BTBD16: variants seen among roughly 807,000 people sequenced by gnomAD.
BTBD16 encodes BTB domain containing 16.
A neutral mutation model predicts 67.4 loss-of-function variants in BTBD16; 66 were observed. The observed-to-expected ratio is 0.98, with a 90% CI of 0.80 to 1.20. The LOEUF (loss-of-function observed/expected upper bound fraction) is 1.20, where lower values mean the gene tolerates loss of function less well. BTBD16 is among the 50% of genes most tolerant of loss of function. BTBD16 has a pLI of 0.00. For synonymous variants in BTBD16, 242 were observed against 236.4 expected, an observed-to-expected ratio of 1.02 and a Z score of -0.22; for missense variants, 634 against 616.0, an observed-to-expected ratio of 1.03 and a Z score of -0.31.
At chr10:122,283,742 C>T in intron 3 of BTBD16, 109 bp from the exon 4 acceptor site, 1 of 829,778 alleles carries the variant, frequency 1.2e-6, no homozygotes, top group Non-Finnish European at 2.0e-6. Flanking sequence ...ATATGATTAG[C>T]TTGATCAATG....
chr10:122,284,226 A>C (rs1474131261), intron 4 of BTBD16, among the ~76,000 whole-genome samples: 1 of 152,212 alleles, frequency 6.6e-6, no homozygotes, highest in Non-Finnish European at 1.5e-5. Context: ...AGGCGAGTGA[A>C]TCACTTGAGG....
intron 13 of BTBD16, 26 bp from the exon 14 acceptor site, chr10:122,334,855 T>C: frequency 7.1e-7 from 1 of 1,405,898 alleles, no homozygotes; most frequent in Non-Finnish European, 1.0e-6. Context: ...CCCCCTTCAC[T>C]TTGTTGTTTC....
rs752749300 is a variant in BTBD16, at chr10:122,338,051, A to G, written c.1487A>G (p.Tyr496Cys). ...ATCCAAACTGTGGGCATCCCAATCT[A>G]TGTAAGTTTTGCATTCATCTTCCCA... ...LKIQTVGIPIYVSFAFIFPAS is the reference protein window; with the variant it reads ...LKIQTVGIPICVSFAFIFPAS Residue 496 changes from tyrosine to cysteine, a missense_variant, in exon 16 of 16, where the codon TAT becomes TGT. Physicochemically the swap from Tyr to Cys is radical, Grantham distance 194 (BLOSUM62 -2). Coordinates refer to ENST00000260723, the MANE Select transcript of BTBD16 (RefSeq NM_144587.5). 1 of 1,612,090 alleles carries G rather than the reference A, an allele frequency of 6.2e-7. No homozygotes were observed. Among genetic ancestry groups the G allele is most frequent in the Non-Finnish European group, 8.5e-7 (1 of 1,178,320 alleles).
chr10:122,272,229 C>T (rs1202178883), intron 1 of BTBD16, among the ~76,000 whole-genome samples: 2 of 152,230 alleles, frequency 1.3e-5, no homozygotes, highest in Non-Finnish European at 2.9e-5. Flanking sequence ...GCTGGTTGAA[C>T]AGCCAAAGAT....
rs1422580546 is a variant in BTBD16 at position 122,293,114 on chromosome 10, A to G, written c.590+1920A>G. ...TTTTCCCTAATTCCTGATGCAATTC[A>G]GTATAAAGAAGAGATCAGGGCAGGA... On this transcript the variant is annotated intron_variant, in intron 7 of 15. Transcript: ENST00000260723. Among the ~76,000 whole-genome samples, 2 of 152,196 alleles carry G rather than the reference A, an allele frequency of 1.3e-5. 1 individual carries two copies. Among genetic ancestry groups the G allele is most frequent in the African/African-American group, 4.8e-5 (2 of 41,450 alleles).
At chr10:122,320,542 G>T (rs187658797) in intron 10 of BTBD16, among the ~76,000 whole-genome samples, 1 of 152,134 alleles carries the variant, frequency 6.6e-6, no homozygotes, top group East Asian at 1.9e-4. Flanking sequence ...TGCTTTAGCT[G>T]CATCTCAGAA....
chr10:122,294,302 T>G, intron 7 of BTBD16: 1 of 820,978 alleles, frequency 1.2e-6, no homozygotes, highest in Non-Finnish European at 1.5e-6. Context: ...AGGTGCTGAG[T>G]GAGACCTCAC....
intron 7 of BTBD16, among the ~76,000 whole-genome samples, chr10:122,297,074 G>A (rs886856623): frequency 1.3e-5 from 2 of 152,182 alleles, no homozygotes; most frequent in African/African-American, 4.8e-5. Flanking sequence ...AACCACACTA[G>A]GCTGAAGTCT....
chr10:122,276,452 G>A (rs1050413215), intron 2 of BTBD16, among the ~76,000 whole-genome samples: 2 of 152,116 alleles, frequency 1.3e-5, no homozygotes, highest in Admixed American at 6.5e-5. Context: ...GTTAGGATAC[G>A]TACTCAAAGG....
chr10:122,313,050 G>T (rs753552255), intron 10 of BTBD16, among the ~76,000 whole-genome samples: 3 of 151,070 alleles, frequency 2.0e-5, no homozygotes, highest in Non-Finnish European at 4.4e-5. Flanking sequence ...CTAATTTTTT[G>T]TATTTTTAGT....
At chr10:122,329,030 G>A (rs932600550) in intron 10 of BTBD16, among the ~76,000 whole-genome samples, 1 of 152,174 alleles carries the variant, frequency 6.6e-6, no homozygotes, top group Admixed American at 6.5e-5. Context: ...TGTACAGGGG[G>A]AGTCAGGAGT....
intron 7 of BTBD16, chr10:122,295,333 C>T (rs1245255833): frequency 1.0e-6 from 1 of 985,260 alleles, no homozygotes; most frequent in Non-Finnish European, 1.2e-6. Flanking sequence ...CAGGGTGGAG[C>T]AGCATCAAAC....
chr10:122,297,922 T>C, intron 8 of BTBD16, 85 bp downstream of exon 8: 1 of 1,166,628 alleles, frequency 8.6e-7, no homozygotes, highest in South Asian at 1.3e-5. Context: ...CCACCAGGCC[T>C]ACTTCCCCCC....
chr10:122,328,670 A>C (rs908829577), intron 10 of BTBD16: 9 of 800,628 alleles, frequency 1.1e-5, no homozygotes, highest in Non-Finnish European at 1.4e-5. Flanking sequence ...CTCTGCCTTG[A>C]GGGAGTGACT....
At chr10:122,275,318 G>A (rs1286371112) in intron 2 of BTBD16, among the ~76,000 whole-genome samples, 9 of 152,130 alleles carry the variant, frequency 5.9e-5, no homozygotes, top group Admixed American at 3.3e-4. Flanking sequence ...GACGTTTTAC[G>A]TGACAGCCGG....
intron 10 of BTBD16, among the ~76,000 whole-genome samples, chr10:122,312,156 T>C (rs1289408421): frequency 6.6e-6 from 1 of 152,216 alleles, no homozygotes; most frequent in African/African-American, 2.4e-5. Context: ...TCATAGGGTA[T>C]GGATGAGTTC....
chr10:122,291,871 G>A (rs779567251), intron 7 of BTBD16, among the ~76,000 whole-genome samples: 1 of 152,184 alleles, frequency 6.6e-6, no homozygotes, highest in Non-Finnish European at 1.5e-5. Context: ...GTTCATCAGG[G>A]TGTGTTGGGG....
chr10:122,323,545 T>C (rs1398525436), intron 10 of BTBD16, among the ~76,000 whole-genome samples: 1 of 152,196 alleles, frequency 6.6e-6, no homozygotes, highest in African/African-American at 2.4e-5. Context: ...TTGGTCAGTA[T>C]TATTAGAAGC....
At chr10:122,286,305 C>T in intron 5 of BTBD16, 57 bp downstream of exon 5, 1 of 1,539,716 alleles carries the variant, frequency 6.5e-7, no homozygotes, top group Non-Finnish European at 8.8e-7. Flanking sequence ...CTTGACGGTC[C>T]CAGCTTGGAA....
Sources: gnomAD v4.1 joint callset for allele counts (sites outside exome capture counted in the v4.1 genomes callset) on GRCh38, gnomAD v4.1.1 for gene constraint, MANE v1.5 for transcripts, NCBI Gene and HGNC (gene_info 2026-07-23, HGNC 2026-07-21) for gene names.